Variants in FGF12 observed in about 807,000 individuals in gnomAD.
FGF12 encodes the protein fibroblast growth factor 12.
A neutral mutation model predicts 23.6 loss-of-function variants in FGF12; 14 were observed. That is an observed-to-expected ratio of 0.59 (90% confidence interval 0.39 to 0.93). The LOEUF (loss-of-function observed/expected upper bound fraction) is 0.93. Ranked by LOEUF, FGF12 falls within the 40% of genes least tolerant of loss-of-function variation. FGF12 has a pLI of 0.00. For missense variants in FGF12, 175 were observed against 217.8 expected, an observed-to-expected ratio of 0.80 and a Z score of 1.24; for synonymous variants, 62 against 77.3, an observed-to-expected ratio of 0.80 and a Z score of 1.04.
rs73195159 is a variant in FGF12 at position 192,688,077 on chromosome 3, C to T, written c.13+39104G>A. Among the ~76,000 whole-genome samples, 1,443 of 152,250 alleles carry T rather than the reference C, an allele frequency of 9.5e-3. 10 individuals carry two copies. Among genetic ancestry groups the T allele is most frequent in the South Asian group, 0.018 (85 of 4,804 alleles). On this transcript the variant is annotated intron_variant, in intron 2 of 5. Transcript: ENST00000445105. ...CAGCCAGCCGCCACAGCTGAGCACA[C>T]GCACACCACTGACTATGGTCCCCAT...
intron 4 of FGF12, among the ~76,000 whole-genome samples, chr3:192,317,157 T>C (rs1259014045): frequency 6.7e-6 from 1 of 149,842 alleles, no homozygotes; most frequent in Non-Finnish European, 1.5e-5. Context: ...TATTCCCACA[T>C]GTAGTGGCTA....
chr3:192,293,908 G>A (rs1714894189), intron 4 of FGF12, among the ~76,000 whole-genome samples: 1 of 152,074 alleles, frequency 6.6e-6, no homozygotes, highest in Non-Finnish European at 1.5e-5. Context: ...TCTTCTGGTC[G>A]ATAGATGAGG....
At chr3:192,356,789 TACAC>T (rs909119358) in intron 3 of FGF12, among the ~76,000 whole-genome samples, 7 of 152,216 alleles carry the variant, frequency 4.6e-5, no homozygotes, top group Non-Finnish European at 8.8e-5. Flanking sequence ...CTTCTACTCC[TACAC>T]ACACAAAGTA....
intron 2 of FGF12, among the ~76,000 whole-genome samples, chr3:192,518,726 C>T (rs55959898): frequency 0.018 from 2,705 of 152,202 alleles, 70 homozygotes; most frequent in African/African-American, 0.06. Context: ...ATGCATATAG[C>T]CCATTGACTC....
chr3:192,611,265 A>T (rs1029009572), intron 2 of FGF12, among the ~76,000 whole-genome samples: 1 of 152,060 alleles, frequency 6.6e-6, no homozygotes, highest in Non-Finnish European at 1.5e-5. Context: ...GGAAGATCAG[A>T]GTATCCTTGA....
intron 2 of FGF12, among the ~76,000 whole-genome samples, chr3:192,464,816 A>G (rs1482491584): frequency 6.6e-6 from 1 of 152,076 alleles, no homozygotes; most frequent in Non-Finnish European, 1.5e-5. Flanking sequence ...TGTTAAAAAC[A>G]GGTGTGGCAA....
Position 192,360,423 on chromosome 3 carries a change from CT to C in FGF12, c.124+4del. ...ATCAGATTGTAAGAAGCTAATGTTT[CT>C]TACTGTAGTCGCTGTTTTCGTCCTT... is the stretch of plus-strand genomic sequence containing the variant. On this transcript the variant is annotated splice_donor_region_variant and intron_variant, in intron 3 of 5. Coordinates refer to ENST00000445105, the MANE Select transcript of FGF12 (RefSeq NM_004113.6). The surrounding 1 kb of genome is among the most constrained non-coding windows in gnomAD (Gnocchi z 4.3). 6.3e-7 allele frequency: 1 copy of C among 1,583,896 alleles called. No individual in the cohort carries two copies. The highest frequency in any genetic ancestry group is 8.7e-7 in the Non-Finnish European group (1 of 1,152,652).
intron 2 of FGF12, among the ~76,000 whole-genome samples, chr3:192,410,953 C>G (rs181829632): frequency 4.5e-4 from 69 of 152,306 alleles, no homozygotes; most frequent in Admixed American, 4.5e-3. Context: ...TTTCTACTTA[C>G]AATTTCTCTT....
chr3:192,693,698 C>T (rs1718017570), intron 2 of FGF12, among the ~76,000 whole-genome samples: 1 of 151,952 alleles, frequency 6.6e-6, no homozygotes, highest in Admixed American at 6.6e-5. Context: ...TCTATATATC[C>T]ACATCAAAAC....
chr3:192,191,709 G>A (rs1208213380), intron 4 of FGF12, among the ~76,000 whole-genome samples: 5 of 151,940 alleles, frequency 3.3e-5, no homozygotes, highest in African/African-American at 7.3e-5. Context: ...GGTGGCAGGC[G>A]CCTGTAGTCC....
At chr3:192,372,946 A>G (rs1415817113) in intron 2 of FGF12, among the ~76,000 whole-genome samples, 1 of 152,036 alleles carries the variant, frequency 6.6e-6, no homozygotes, top group Admixed American at 6.6e-5. Flanking sequence ...AGACCTAGGG[A>G]TTTTTGTACC....
At chr3:192,608,289 TAA>T (rs974577548) in intron 2 of FGF12, among the ~76,000 whole-genome samples, 3 of 152,206 alleles carry the variant, frequency 2.0e-5, no homozygotes, top group Non-Finnish European at 4.4e-5. Flanking sequence ...TAAAAATAAC[TAA>T]AAGAGTATAA....
At chr3:192,287,347 C>T (rs1403036) in intron 4 of FGF12, among the ~76,000 whole-genome samples, 57,072 of 151,828 alleles carry the variant, frequency 0.38, 11,832 homozygotes, top group East Asian at 0.9. Flanking sequence ...AGGGAGGAAC[C>T]GTGTCTTGTA....
At chr3:192,561,229 A>G (rs991961124) in intron 2 of FGF12, among the ~76,000 whole-genome samples, 2 of 152,306 alleles carry the variant, frequency 1.3e-5, no homozygotes, top group African/African-American at 4.8e-5. Context: ...GACAACACAA[A>G]TTTTAAAATA....
chr3:192,168,816 G>A (rs77005420), intron 5 of FGF12, among the ~76,000 whole-genome samples: 1 of 152,192 alleles, frequency 6.6e-6, no homozygotes, highest in African/African-American at 2.4e-5. Context: ...AATAAGAGGA[G>A]ACAGAGTGGC....
intron 2 of FGF12, among the ~76,000 whole-genome samples, chr3:192,701,180 A>G (rs1302926356): frequency 6.6e-6 from 1 of 152,192 alleles, no homozygotes; most frequent in Non-Finnish European, 1.5e-5. Context: ...AGGTGTTCAG[A>G]TAATAACTGT....
chr3:192,593,273 T>C lies in FGF12; in HGVS notation c.13+133908A>G, dbSNP rs78252177. 4.7e-3 allele frequency among the ~76,000 whole-genome samples: 713 copies of C among 151,872 alleles called. 7 individuals carry two copies. Among genetic ancestry groups the C allele is most frequent in the African/African-American group, 0.016 (684 of 41,490 alleles). On this transcript the variant is annotated intron_variant, in intron 2 of 5. Transcript: ENST00000445105. ...CCATTGCTTAGACTCCAGATATCTT[T>C]TTCCTGACTGCCTTCAGGTCTGGTC...
intron 2 of FGF12, among the ~76,000 whole-genome samples, chr3:192,397,942 C>A (rs555098420): frequency 2.6e-5 from 3 of 116,094 alleles, no homozygotes; most frequent in East Asian, 5.5e-4. Flanking sequence ...ATCACCAGTG[C>A]AATTTAAAAA....
rs376834535 is a variant in FGF12 at position 192,229,553 on chromosome 3, C to A, written c.229-58897G>T. On this transcript the variant is annotated intron_variant, in intron 4 of 5. Coordinates refer to ENST00000445105, the MANE Select transcript of FGF12 (RefSeq NM_004113.6). ...AAAATTGTTTTTTAGAGTACTGCTA[C>A]CAGGTTAGAGGTCAACTATCACTAT... Among the ~76,000 whole-genome samples the A allele has an allele frequency of 2.0e-5, 3 of 151,898 alleles. No individual in the cohort carries two copies. In the East Asian group the frequency reaches 5.8e-4, roughly 29 times the overall value.
Sources: allele counts gnomAD v4.1 joint callset (sites outside exome capture counted in the v4.1 genomes callset), GRCh38; gene constraint gnomAD v4.1.1; non-coding constraint Gnocchi (gnomAD v3.1); transcripts MANE v1.5; gene names NCBI Gene and HGNC (gene_info 2026-07-23, HGNC 2026-07-21).